Variants in GUCY1A2 observed in about 807,000 individuals in gnomAD.
GUCY1A2 encodes the protein guanylate cyclase soluble subunit alpha-2.
GUCY1A2 carries 27 observed loss-of-function variants against 63.5 expected under a neutral mutation model. The ratio of observed to expected loss-of-function variants is 0.43; its 90% CI spans 0.31 to 0.59. GUCY1A2 has a LOEUF of 0.59. Among genes scored for constraint, GUCY1A2 ranks in the 20% least tolerant of loss-of-function variants. The probability of loss-of-function intolerance (pLI) is 0.11; values close to 1 mark genes in which losing one functional copy is unlikely to be tolerated. For missense variants in GUCY1A2, 768 were observed against 913.3 expected (o/e 0.84, Z 2.05); for synonymous variants, 364 against 343.5 (o/e 1.06, Z -0.66).
At chr11:106,997,472 T>C (rs541575408) in intron 1 of GUCY1A2, among the ~76,000 whole-genome samples, 6 of 152,180 alleles carry the variant, frequency 3.9e-5, no homozygotes, top group Admixed American at 2.6e-4. Flanking sequence ...CCCTTTATCA[T>C]TTCTAACACA....
intron 4 of GUCY1A2, among the ~76,000 whole-genome samples, chr11:106,857,323 A>G (rs1859450555): frequency 6.6e-6 from 1 of 152,102 alleles, no homozygotes; most frequent in South Asian, 2.1e-4. Flanking sequence ...TCTTTTTCTT[A>G]CACAGGCTCT....
chr11:106,751,205 A>G (rs937671552), intron 6 of GUCY1A2, among the ~76,000 whole-genome samples: 1 of 152,196 alleles, frequency 6.6e-6, no homozygotes, highest in Admixed American at 6.6e-5. Flanking sequence ...AGAAATAGCT[A>G]ATTATTCAAC....
At chr11:106,896,422 C>A (rs988172411) in intron 4 of GUCY1A2, among the ~76,000 whole-genome samples, 8 of 152,174 alleles carry the variant, frequency 5.3e-5, no homozygotes, top group Admixed American at 3.9e-4. Context: ...TGTACCATCT[C>A]ACTACTCCTT....
At chr11:106,753,540 T>C (rs553916760) in intron 6 of GUCY1A2, among the ~76,000 whole-genome samples, 1 of 152,348 alleles carries the variant, frequency 6.6e-6, no homozygotes, top group African/African-American at 2.4e-5. Flanking sequence ...TTAATTTTTG[T>C]ATAAGGTGTA....
At chr11:106,855,396 T>A (rs1416897382) in intron 4 of GUCY1A2, among the ~76,000 whole-genome samples, 1 of 152,064 alleles carries the variant, frequency 6.6e-6, no homozygotes, top group East Asian at 1.9e-4. Context: ...CCTCAGAGGG[T>A]CCCTGTCACT....
chr11:106,996,585 A>G (rs1325951189), intron 1 of GUCY1A2, among the ~76,000 whole-genome samples: 2 of 152,212 alleles, frequency 1.3e-5, no homozygotes, highest in African/African-American at 2.4e-5. Context: ...ATTTTGAGTA[A>G]TAAGACACAT....
intron 4 of GUCY1A2, chr11:106,827,072 A>C: frequency 6.5e-7 from 1 of 1,533,400 alleles, no homozygotes; most frequent in Non-Finnish European, 9.0e-7. Flanking sequence ...TTTTTCTTCA[A>C]AATTCTAAAC....
At chr11:106,782,713 G>A (rs1420702490) in intron 5 of GUCY1A2, among the ~76,000 whole-genome samples, 1 of 152,124 alleles carries the variant, frequency 6.6e-6, no homozygotes, top group Admixed American at 6.6e-5. Context: ...GAACAATGAG[G>A]TCAATGGCGG....
chr11:106,713,300 T>A (rs1355310732), intron 6 of GUCY1A2, among the ~76,000 whole-genome samples: 1 of 152,138 alleles, frequency 6.6e-6, no homozygotes, highest in Admixed American at 6.5e-5. Context: ...GTACTCCATA[T>A]TGGCTGGAAG....
intron 4 of GUCY1A2, among the ~76,000 whole-genome samples, chr11:106,853,804 T>A (rs1013919423): frequency 2.4e-4 from 37 of 152,156 alleles, no homozygotes; most frequent in African/African-American, 8.2e-4. Flanking sequence ...TCGGGAAAGA[T>A]TTTTTTCCCT....
At chr11:106,996,071 T>G (rs1429141768) in intron 1 of GUCY1A2, among the ~76,000 whole-genome samples, 7 of 152,200 alleles carry the variant, frequency 4.6e-5, no homozygotes, top group Admixed American at 2.0e-4. Context: ...CAACCCTAAA[T>G]GCACTAACTC....
chr11:106,952,654 T>A (rs1245261966), intron 3 of GUCY1A2, among the ~76,000 whole-genome samples: 1 of 60,608 alleles, frequency 1.6e-5, no homozygotes, highest in South Asian at 4.4e-4. Context: ...ATGATGAGGG[T>A]TTTTTTTTTC....
intron 5 of GUCY1A2, among the ~76,000 whole-genome samples, chr11:106,795,121 G>A (rs1464357206): frequency 1.3e-5 from 2 of 152,134 alleles, no homozygotes; most frequent in Non-Finnish European, 2.9e-5. Context: ...TTTTATAGAT[G>A]CAGAAGCTGA....
intron 4 of GUCY1A2, among the ~76,000 whole-genome samples, chr11:106,939,163 T>A (rs1416936377): frequency 1.3e-5 from 2 of 152,236 alleles, no homozygotes; most frequent in East Asian, 1.9e-4. Flanking sequence ...GAAATATTCA[T>A]GTGTTTATAT....
At position 106,878,497 on chromosome 11, in the gene GUCY1A2, G is replaced by T. The variant is rs116529356; in HGVS notation, c.1206+60963C>A. On this transcript the variant is annotated intron_variant, in intron 4 of 7. Coordinates refer to ENST00000526355, the MANE Select transcript of GUCY1A2 (RefSeq NM_000855.3). ...TGCAGGAACACAGATGGACCTGGAG[G>T]TCATTATACTTAACAAACTAATGCA... 8.8e-3 allele frequency among the ~76,000 whole-genome samples: 1,337 copies of T among 152,062 alleles called. 17 individuals carry two copies. Among genetic ancestry groups the T allele is most frequent in the African/African-American group, 0.031 (1,276 of 41,520 alleles).
chr11:106,896,124 AC>A (rs1483652485), intron 4 of GUCY1A2, among the ~76,000 whole-genome samples: 2 of 151,768 alleles, frequency 1.3e-5, no homozygotes, highest in African/African-American at 2.4e-5. Context: ...ATACACCACA[AC>A]CAAGTAGTAT....
intron 4 of GUCY1A2, among the ~76,000 whole-genome samples, chr11:106,895,236 A>G (rs973306771): frequency 6.6e-6 from 1 of 152,332 alleles, no homozygotes; most frequent in East Asian, 1.9e-4. Context: ...AATTTAATCA[A>G]TAATCAATAA....
chr11:106,791,162 G>A (rs771043096), intron 5 of GUCY1A2, among the ~76,000 whole-genome samples: 70 of 152,176 alleles, frequency 4.6e-4, no homozygotes, highest in Non-Finnish European at 8.1e-4. Context: ...ACACTGGCAT[G>A]GGTGATTCCC....
intron 3 of GUCY1A2, among the ~76,000 whole-genome samples, chr11:106,960,003 G>A (rs1323246377): frequency 6.6e-6 from 1 of 151,726 alleles, no homozygotes; most frequent in South Asian, 2.1e-4. Context: ...GTTTCCTGGG[G>A]AACTAGAGCT....
Sources: allele counts gnomAD v4.1 joint callset (sites outside exome capture counted in the v4.1 genomes callset), GRCh38; gene constraint gnomAD v4.1.1; transcripts MANE v1.5; gene names NCBI Gene and HGNC (gene_info 2026-07-23, HGNC 2026-07-21).